The following SUGCT variants were observed in gnomAD, a reference collection of about 807,000 sequenced individuals.
SUGCT encodes succinyl-CoA:glutarate-CoA transferase.
In SUGCT, 41 loss-of-function variants were observed where a neutral mutation model predicts 55.0. The ratio of observed to expected loss-of-function variants is 0.74; its 90% CI spans 0.58 to 0.97. The LOEUF (loss-of-function observed/expected upper bound fraction) is 0.97, where lower values mean the gene tolerates loss of function less well. SUGCT is among the 50% of genes least tolerant of loss of function. The pLI is 0.00. For synonymous variants in SUGCT, 187 were observed against 200.4 expected (o/e 0.93, Z 0.56); for missense variants, 568 against 547.8 (o/e 1.04, Z -0.37).
chr7:40,452,884 A>G (rs1036335446), intron 10 of SUGCT, among the ~76,000 whole-genome samples: 1 of 152,214 alleles, frequency 6.6e-6, no homozygotes, highest in South Asian at 2.1e-4. Flanking sequence ...TCCATGAAGC[A>G]TGTATTAAAA....
intron 12 of SUGCT, among the ~76,000 whole-genome samples, chr7:40,731,251 A>G (rs144933721): frequency 6.6e-6 from 1 of 152,220 alleles, no homozygotes; most frequent in Non-Finnish European, 1.5e-5. Flanking sequence ...ATGGTCGAAC[A>G]TAATAGTCCA....
intron 12 of SUGCT, among the ~76,000 whole-genome samples, chr7:40,535,595 A>G (rs567120461): frequency 1.3e-5 from 2 of 152,328 alleles, no homozygotes; most frequent in Admixed American, 6.5e-5. Context: ...GCTTTTCACA[A>G]TAGCAAAGAC....
chr7:40,482,271 A>G (rs1791095582), intron 11 of SUGCT, among the ~76,000 whole-genome samples: 1 of 152,190 alleles, frequency 6.6e-6, no homozygotes, highest in African/African-American at 2.4e-5. Flanking sequence ...CTATTTCTGG[A>G]CCAGAACATA....
At chr7:40,738,621 AT>A (rs1417220320) in intron 12 of SUGCT, among the ~76,000 whole-genome samples, 2 of 152,192 alleles carry the variant, frequency 1.3e-5, no homozygotes, top group Non-Finnish European at 2.9e-5. Context: ...GTCAATAAAA[AT>A]TTGAATTCAC....
the SUGCT span, among the ~76,000 whole-genome samples, chr7:41,010,231 C>T: frequency 1.3e-5 from 2 of 152,160 alleles, no homozygotes; most frequent in African/African-American, 2.4e-5. Context: ...ACAGTGGAGC[C>T]CCAGAACCTG....
At chr7:40,830,057 C>T (rs560210586) in intron 13 of SUGCT, among the ~76,000 whole-genome samples, 10 of 152,286 alleles carry the variant, frequency 6.6e-5, no homozygotes, top group South Asian at 4.1e-4. Flanking sequence ...TCCACCACCA[C>T]GTCATGAGCA....
At chr7:40,226,249 G>T (rs879424927) in intron 6 of SUGCT, among the ~76,000 whole-genome samples, 1 of 152,148 alleles carries the variant, frequency 6.6e-6, no homozygotes, top group Non-Finnish European at 1.5e-5. Flanking sequence ...AGGAAATAAA[G>T]CAAAATGAGG....
At chr7:40,932,984 G>A in the SUGCT span, among the ~76,000 whole-genome samples, 2 of 151,990 alleles carry the variant, frequency 1.3e-5, no homozygotes, top group Admixed American at 6.6e-5. Context: ...TATGATGTTC[G>A]CTGGTTATTT....
At chr7:40,921,374 AG>A in the SUGCT span, among the ~76,000 whole-genome samples, 1 of 152,170 alleles carries the variant, frequency 6.6e-6, no homozygotes, top group East Asian at 1.9e-4. Context: ...GCACTCCGCC[AG>A]GGTGGAAAGG....
intron 12 of SUGCT, among the ~76,000 whole-genome samples, chr7:40,583,928 T>TG (rs1797234746): frequency 6.6e-6 from 1 of 152,204 alleles, no homozygotes; most frequent in South Asian, 2.1e-4. Context: ...CCAGGATGCC[T>TG]GCTTCATGGA....
intron 9 of SUGCT, among the ~76,000 whole-genome samples, chr7:40,353,317 A>C (rs889773328): frequency 3.3e-5 from 5 of 152,126 alleles, no homozygotes; most frequent in African/African-American, 1.2e-4. Context: ...AGCAGCATAG[A>C]TCTCACCCAG....
chr7:40,549,311 A>G (rs1046224397), intron 12 of SUGCT, among the ~76,000 whole-genome samples: 2 of 152,224 alleles, frequency 1.3e-5, no homozygotes, highest in African/African-American at 4.8e-5. Flanking sequence ...TAGCTAATGA[A>G]TTATGAATAG....
chr7:40,243,942 G>C (rs1789638493), intron 7 of SUGCT, among the ~76,000 whole-genome samples: 1 of 152,198 alleles, frequency 6.6e-6, no homozygotes, highest in South Asian at 2.1e-4. Flanking sequence ...GGAGGCTGAG[G>C]TGGGTGGGTC....
chr7:40,293,177 C>A (rs1584595855), intron 8 of SUGCT, among the ~76,000 whole-genome samples: 1 of 152,012 alleles, frequency 6.6e-6, no homozygotes, highest in African/African-American at 2.4e-5. Context: ...TTTATGGCAG[C>A]TTGTTAGGTC....
At chr7:41,013,030 ATATATATAT>A in the SUGCT span, among the ~76,000 whole-genome samples, 1 of 142,280 alleles carries the variant, frequency 7.0e-6, no homozygotes, top group African/African-American at 3.0e-5. Flanking sequence ...ATATATATAT[ATATATATAT>A]ATATGTATTT....
At chr7:40,913,857 C>A in the SUGCT span, among the ~76,000 whole-genome samples, 4 of 152,180 alleles carry the variant, frequency 2.6e-5, no homozygotes, top group Non-Finnish European at 5.9e-5. Context: ...CATGGAAGAC[C>A]TCTTCATGTC....
rs1159105414 is a variant in SUGCT at position 40,624,795 on chromosome 7, ACACACACACACACACACG to A, written c.1090-124633_1090-124616del. On this transcript the variant is annotated intron_variant, in intron 12 of 13. Coordinates refer to ENST00000335693, the MANE Select transcript of SUGCT (RefSeq NM_001193313.2). ...CAAACACACACACACACACACACAC[ACACACACACACACACACG>A]CACACCACAAACACGCCAAGCTGAG... Among the ~76,000 whole-genome samples the A allele has an allele frequency of 1.0e-3, 151 of 147,010 alleles. 2 individuals are homozygous for A. The highest frequency in any genetic ancestry group is 3.8e-3 in the African/African-American group (145 of 38,252).
intron 6 of SUGCT, among the ~76,000 whole-genome samples, chr7:40,202,395 G>T (rs1196393399): frequency 6.6e-6 from 1 of 152,158 alleles, no homozygotes; most frequent in Non-Finnish European, 1.5e-5. Flanking sequence ...ATGTGAAGAG[G>T]ATGTGTGTGT....
intron 11 of SUGCT, among the ~76,000 whole-genome samples, chr7:40,471,827 A>G (rs988283077): frequency 2.0e-5 from 3 of 152,238 alleles, no homozygotes; most frequent in Non-Finnish European, 2.9e-5. Flanking sequence ...ATAACTGCAG[A>G]TAATAGTAGT....
Sources: gnomAD v4.1 joint callset for allele counts (sites outside exome capture counted in the v4.1 genomes callset) on GRCh38, gnomAD v4.1.1 for gene constraint, MANE v1.5 for transcripts, NCBI Gene and HGNC (gene_info 2026-07-23, HGNC 2026-07-21) for gene names.